PLEKHA6: variants seen among roughly 807,000 people sequenced by gnomAD.
The protein encoded by PLEKHA6 is pleckstrin homology domain-containing family A member 6.
PLEKHA6 carries 60 observed loss-of-function variants against 116.7 expected under a neutral mutation model. That is an observed-to-expected ratio of 0.51 (90% CI 0.42 to 0.64). The LOEUF is 0.64. Among genes scored for constraint, PLEKHA6 ranks in the 30% least tolerant of loss-of-function variants. The pLI, the probability that PLEKHA6 is intolerant of heterozygous loss-of-function variation, is 0.00. For missense variants in PLEKHA6, 1,338 were observed against 1,422.7 expected, an observed-to-expected ratio of 0.94 and a Z score of 0.96; for synonymous variants, 489 against 556.1, an observed-to-expected ratio of 0.88 and a Z score of 1.70.
rs978910350 is a variant in PLEKHA6 at position 204,335,117 on chromosome 1, A to T, written c.-95+24577T>A. On this transcript the variant is annotated intron_variant, in intron 1 of 22. Transcript: ENST00000272203. ...CACTAAAGGACTTGATCTGGATGAG[A>T]TCACCTATCCAAGAAACAGACAGCG... Among the ~76,000 whole-genome samples, 3 of 152,006 alleles carry T rather than the reference A, an allele frequency of 2.0e-5. No homozygotes were observed. In the East Asian group the frequency reaches 5.8e-4, roughly 30 times the overall value.
chr1:204,312,518 G>T (rs932089107), intron 1 of PLEKHA6, among the ~76,000 whole-genome samples: 2 of 152,168 alleles, frequency 1.3e-5, no homozygotes, highest in African/African-American at 4.8e-5. Flanking sequence ...TTACTACAGG[G>T]CCGGGATGCT....
At chr1:204,232,599 A>C (rs1231312747) in intron 17 of PLEKHA6, among the ~76,000 whole-genome samples, 1 of 152,254 alleles carries the variant, frequency 6.6e-6, no homozygotes, top group African/African-American at 2.4e-5. Flanking sequence ...GAAAGGACAG[A>C]GATAAGATGA....
intron 1 of PLEKHA6, among the ~76,000 whole-genome samples, chr1:204,329,352 T>G (rs912634528): frequency 8.6e-5 from 13 of 151,914 alleles, no homozygotes; most frequent in African/African-American, 3.1e-4. Context: ...CAGGTGGGAG[T>G]GGGCCATCCT....
chr1:204,264,004 A>C (rs1306737025), intron 6 of PLEKHA6, among the ~76,000 whole-genome samples: 1 of 152,146 alleles, frequency 6.6e-6, no homozygotes, highest in Non-Finnish European at 1.5e-5. Context: ...CCTGAAGGAC[A>C]GGAAGGGACA....
At chr1:204,352,081 A>G (rs1031334830) in intron 1 of PLEKHA6, among the ~76,000 whole-genome samples, 7 of 151,346 alleles carry the variant, frequency 4.6e-5, no homozygotes. Context: ...CTCAAAAAAA[A>G]AGATTATTTA....
At chr1:204,322,488 G>A (rs957351584) in intron 1 of PLEKHA6, among the ~76,000 whole-genome samples, 3 of 152,174 alleles carry the variant, frequency 2.0e-5, no homozygotes, top group Admixed American at 6.5e-5. Context: ...CAGTGGGGTC[G>A]CACAGCAGGC....
At chr1:204,361,644 T>C (rs1046385522), upstream of PLEKHA6, among the ~76,000 whole-genome samples, 6 of 152,190 alleles carry the variant, frequency 3.9e-5, no homozygotes, top group Non-Finnish European at 8.8e-5. Context: ...ATAGGAAAGC[T>C]GCTCTGCTGA....
intron 17 of PLEKHA6, among the ~76,000 whole-genome samples, chr1:204,239,990 C>T (rs1489284289): frequency 6.6e-6 from 1 of 152,152 alleles, no homozygotes; most frequent in Non-Finnish European, 1.5e-5. Context: ...CCAGGAAACA[C>T]AACGATTCCA....
chr1:204,314,424 C>T (rs924860032), intron 1 of PLEKHA6, among the ~76,000 whole-genome samples: 2 of 152,184 alleles, frequency 1.3e-5, no homozygotes, highest in Admixed American at 1.3e-4. Flanking sequence ...ATCTAATACT[C>T]CTGCAGACGA....
At position 204,229,081 on chromosome 1, in the gene PLEKHA6, A is replaced by G. The variant is rs3795571; in HGVS notation, c.2607T>C (p.His869=). 761,001 of 1,613,354 alleles carry G rather than the reference A, an allele frequency of 0.47. 182,311 individuals are homozygous for G. Among genetic ancestry groups the G allele is most frequent in the African/African-American group, 0.66 (49,744 of 74,914 alleles). The change falls in exon 19 of 23, where the codon CAT becomes CAC. Residue 869 remains histidine (H), a synonymous_variant. Coordinates refer to ENST00000272203, the MANE Select transcript of PLEKHA6 (RefSeq NM_014935.5). ...CCTCCAGGTTGGAGATGTCTACCTC[A>G]TGGATGCTGCGGTGGCGGCGCACCT... The part of the protein sequence containing the change: ...YKVVRRHRSI[H]EVDISNLEAA...
intron 2 of PLEKHA6, chr1:204,274,490 A>C (rs1488023271): frequency 2.1e-6 from 1 of 465,516 alleles, no homozygotes; most frequent in Non-Finnish European, 2.8e-6. Flanking sequence ...CTACTCCATC[A>C]GCTCAACCTG....
At chr1:204,226,126 G>A (rs1445901887) in intron 21 of PLEKHA6, among the ~76,000 whole-genome samples, 2 of 152,242 alleles carry the variant, frequency 1.3e-5, no homozygotes, top group African/African-American at 4.8e-5. Context: ...TGCCCACACA[G>A]TGCATGCCCA....
intron 1 of PLEKHA6, among the ~76,000 whole-genome samples, chr1:204,296,199 G>A (rs1670260987): frequency 4.6e-5 from 7 of 152,194 alleles, no homozygotes; most frequent in Admixed American, 4.6e-4. Context: ...GAAGGGGCCA[G>A]TGCAAGTGCA....
At chr1:204,299,773 A>T (rs1207107168) in intron 1 of PLEKHA6, 1 of 298,792 alleles carries the variant, frequency 3.3e-6, no homozygotes, top group African/African-American at 2.3e-5. Flanking sequence ...CCCTTTAAGA[A>T]TATTTTTTGC....
intron 1 of PLEKHA6, among the ~76,000 whole-genome samples, chr1:204,357,210 G>A (rs1281502879): frequency 2.0e-5 from 3 of 152,192 alleles, no homozygotes; most frequent in African/African-American, 7.2e-5. Context: ...AGAGGAAGCT[G>A]CCTTGTGAGG....
intron 1 of PLEKHA6, among the ~76,000 whole-genome samples, chr1:204,320,710 C>T (rs941859827): frequency 2.2e-4 from 33 of 152,344 alleles, no homozygotes; most frequent in African/African-American, 7.7e-4. Flanking sequence ...GCTCCCTCCA[C>T]GTGCTCTGTG....
chr1:204,292,472 C>T (rs1331887300), intron 1 of PLEKHA6, among the ~76,000 whole-genome samples: 1 of 152,108 alleles, frequency 6.6e-6, no homozygotes, highest in African/African-American at 2.4e-5. Flanking sequence ...TGTCCCTCAC[C>T]CGGGCACTAT....
At chr1:204,235,566 A>G (rs1057102363) in intron 17 of PLEKHA6, among the ~76,000 whole-genome samples, 1 of 152,186 alleles carries the variant, frequency 6.6e-6, no homozygotes, top group African/African-American at 2.4e-5. Flanking sequence ...TTATCATGTG[A>G]GTGGCTGACC....
rs750223072 is a variant in PLEKHA6 at position 204,261,280 on chromosome 1, C to T, written c.524+26G>A. ...TTCCCCTCTTTATTCTTCCTGCACCCCCACACTCAATTCCCTGGCACTCAC... is the reference window on the plus strand; with the variant it reads ...TTCCCCTCTTTATTCTTCCTGCACCTCCACACTCAATTCCCTGGCACTCAC... On this transcript the variant is annotated intron_variant, in intron 7 of 22. Transcript: ENST00000272203. This position sits in a 1 kb window ranked among gnomAD's most constrained non-coding sequence, Gnocchi z 4.0. The T allele has an allele frequency of 1.2e-6, 2 of 1,613,886 alleles. No individual in the cohort carries two copies. Among genetic ancestry groups the T allele is most frequent in the South Asian group, 1.1e-5 (1 of 91,078 alleles).
Sources: allele counts gnomAD v4.1 joint callset (sites outside exome capture counted in the v4.1 genomes callset), GRCh38; gene constraint gnomAD v4.1.1; non-coding constraint Gnocchi (gnomAD v3.1); transcripts MANE v1.5; gene names NCBI Gene and HGNC (gene_info 2026-07-23, HGNC 2026-07-21).